Variants in PDE3A observed in about 807,000 individuals in gnomAD.
The protein encoded by PDE3A is cGMP-inhibited 3',5'-cyclic phosphodiesterase 3A.
Under a neutral mutation model 98.3 loss-of-function variants are expected in PDE3A, and 43 were observed. The observed-to-expected ratio is 0.44, with a 90% confidence interval of 0.34 to 0.56. PDE3A has a LOEUF of 0.56. Among genes scored for constraint, PDE3A ranks in the 20% least tolerant of loss-of-function variants. The pLI is 0.01. For missense variants in PDE3A, 1,427 were observed against 1,440.7 expected, an observed-to-expected ratio of 0.99 and a Z score of 0.15; for synonymous variants, 663 against 567.9, an observed-to-expected ratio of 1.17 and a Z score of -2.38.
rs749581595 is a variant in PDE3A, at chr12:20,680,278, A to T, written c.*7A>T. ...CCAAAAGCCAGACCAGTGACAATGG[A>T]TAGAATGGGCTGTGTTTCCAAACAG... On this transcript the variant is annotated 3_prime_UTR_variant, in exon 16 of 16. Coordinates refer to ENST00000359062, the MANE Select transcript of PDE3A (RefSeq NM_000921.5). The T allele has an allele frequency of 8.1e-6, 13 of 1,613,468 alleles. No homozygotes were observed. The East Asian group carries it at 2.0e-4, about 25-fold the overall frequency.
intron 1 of PDE3A, among the ~76,000 whole-genome samples, chr12:20,466,737 A>G (rs916939270): frequency 6.6e-6 from 1 of 152,206 alleles, no homozygotes; most frequent in Non-Finnish European, 1.5e-5. Flanking sequence ...GTATGACTAT[A>G]TAATTGTGGC....
chr12:20,517,900 T>A (rs1946352189), intron 1 of PDE3A, among the ~76,000 whole-genome samples: 2 of 152,146 alleles, frequency 1.3e-5, no homozygotes, highest in African/African-American at 4.8e-5. Context: ...GGATCCTGAA[T>A]GTAGCCCACA....
Position 20,626,789 on chromosome 12 carries a change from C to T in PDE3A, c.1541-3119C>T, listed in dbSNP as rs191673860. Among the ~76,000 whole-genome samples, 27 of 152,262 alleles carry T rather than the reference C, an allele frequency of 1.8e-4. No homozygotes were observed. The East Asian group carries it at 3.9e-3, about 22-fold the overall frequency. ...CTAGGATTACAGGCATGAGCCACCG[C>T]GCCTAGCCGAGTTATGCTTTTAAAA... On this transcript the variant is annotated intron_variant, in intron 5 of 15. Coordinates refer to ENST00000359062, the MANE Select transcript of PDE3A (RefSeq NM_000921.5).
At chr12:20,618,999 C>T (rs562817515) in intron 4 of PDE3A, among the ~76,000 whole-genome samples, 11 of 152,088 alleles carry the variant, frequency 7.2e-5, no homozygotes, top group African/African-American at 2.6e-4. Context: ...ATGAGAAAAC[C>T]GTGTAAAGCC....
intron 5 of PDE3A, among the ~76,000 whole-genome samples, chr12:20,626,027 G>T (rs75167898): frequency 0.013 from 1,937 of 152,192 alleles, 49 homozygotes; most frequent in African/African-American, 0.043. Context: ...ACTCATGGGT[G>T]AGTGTGTAAA....
chr12:20,658,238 T>C (rs1431118284), intron 15 of PDE3A, among the ~76,000 whole-genome samples: 1 of 152,242 alleles, frequency 6.6e-6, no homozygotes, highest in East Asian at 1.9e-4. Context: ...AATGGAAGAA[T>C]TGATATAAGG....
In PDE3A at chr12:20,685,631, G is replaced by T. The variant is rs1183768842; in HGVS notation, c.*5360G>T. Among the ~76,000 whole-genome samples the T allele has an allele frequency of 6.6e-6, 1 of 151,954 alleles. No homozygotes were observed. The highest frequency in any genetic ancestry group is 1.5e-5 in the Non-Finnish European group (1 of 67,984). On this transcript the variant is annotated 3_prime_UTR_variant, in exon 16 of 16. Coordinates refer to ENST00000359062, the MANE Select transcript of PDE3A (RefSeq NM_000921.5). The stretch of plus-strand genomic sequence containing the variant: ...TGACATATGTTTAAGTCTCTAAAAG[G>T]AATCCACATTTTCTTTCCAGATACA...
intron 1 of PDE3A, among the ~76,000 whole-genome samples, chr12:20,500,276 A>G (rs926206953): frequency 6.6e-6 from 1 of 152,194 alleles, no homozygotes; most frequent in Admixed American, 6.5e-5. Flanking sequence ...TAGATATGAT[A>G]AAGTAGAATA....
Position 20,475,287 on chromosome 12 carries a change from G to A in PDE3A, c.961-81373G>A, listed in dbSNP as rs183801973. On this transcript the variant is annotated intron_variant, in intron 1 of 15. Transcript: ENST00000359062. ...ATGTTAAAATCGGTAGCATGTCCAA[G>A]CCTCTGGGCCTACTGCCTTCGGTTA... 2.8e-3 allele frequency among the ~76,000 whole-genome samples: 418 copies of A among 151,712 alleles called. 1 individual carries two copies. Among genetic ancestry groups the A allele is most frequent in the Middle Eastern group, 0.01 (3 of 292 alleles).
chr12:20,616,497 C>G, intron 4 of PDE3A, 113 bp downstream of exon 4: 1 of 953,858 alleles, frequency 1.0e-6, no homozygotes, highest in Non-Finnish European at 1.6e-6. Context: ...TGGAGGTCAG[C>G]TTTGAAGATG....
intron 2 of PDE3A, among the ~76,000 whole-genome samples, chr12:20,558,187 A>C (rs1592055888): frequency 6.7e-6 from 1 of 150,248 alleles, no homozygotes; most frequent in African/African-American, 2.4e-5. Context: ...ATTGGTCACT[A>C]TGTCAATATA....
intron 13 of PDE3A, among the ~76,000 whole-genome samples, chr12:20,649,134 T>C (rs1944857227): frequency 6.6e-6 from 1 of 151,830 alleles, no homozygotes; most frequent in Admixed American, 6.6e-5. Context: ...GGTTTCACCA[T>C]GTTGGCCAGG....
rs1302993259 is a variant in PDE3A at position 20,681,172 on chromosome 12, G to A, written c.*901G>A. 6.6e-6 allele frequency: 1 copy of A among 152,126 alleles called. No homozygotes were observed. The highest frequency in any genetic ancestry group is 1.5e-5 in the Non-Finnish European group (1 of 68,060). 9.4% of individuals were successfully genotyped at this position (152,126 alleles called of 1,614,324 possible). A position where few individuals can be genotyped will look rare whatever the true frequency, so the allele number is the denominator to read the frequency against. The stretch of plus-strand genomic sequence containing the variant: ...ACCACTTGAAGGAGCTCTATCACCA[G>A]CCTCAAACCCGAAAGACTGAGGCAT... On this transcript the variant is annotated 3_prime_UTR_variant, in exon 16 of 16. Coordinates refer to ENST00000359062, the MANE Select transcript of PDE3A (RefSeq NM_000921.5).
chr12:20,655,011 GA>G (rs1309528168), intron 15 of PDE3A, among the ~76,000 whole-genome samples: 1 of 151,546 alleles, frequency 6.6e-6, no homozygotes, highest in African/African-American at 2.4e-5. Context: ...GAGTTGTGGG[GA>G]AAAAAAGACA....
chr12:20,567,045 C>A (rs1351652523), intron 2 of PDE3A, among the ~76,000 whole-genome samples: 24 of 151,800 alleles, frequency 1.6e-4, no homozygotes, highest in Admixed American at 1.6e-3. Context: ...AATCCTAGGA[C>A]AATTTAGTTT....
chr12:20,571,987 A>G (rs1592068800), intron 2 of PDE3A: 1 of 1,077,442 alleles, frequency 9.3e-7, no homozygotes, highest in Non-Finnish European at 1.1e-6. Context: ...CTACTTCACT[A>G]TTTGACTATG....
chr12:20,679,988 C>G (rs1210512144), intron 15 of PDE3A, 42 bp from the exon 16 acceptor site: 1 of 1,481,830 alleles, frequency 6.7e-7, no homozygotes, highest in East Asian at 2.4e-5. Flanking sequence ...CAGCACACAA[C>G]TAAGTAGTCT....
chr12:20,459,095 G>A (rs897625562), intron 1 of PDE3A, among the ~76,000 whole-genome samples: 1 of 152,084 alleles, frequency 6.6e-6, no homozygotes, highest in Middle Eastern at 3.2e-3. Flanking sequence ...TCCCAGTATA[G>A]TGTTTCTTTG....
At position 20,610,531 on chromosome 12, in the gene PDE3A, A is replaced by AGAT. The variant is rs569229122; in HGVS notation, c.1012-2911_1012-2909dup. On this transcript the variant is annotated intron_variant, in intron 2 of 15. Transcript: ENST00000359062. ...AAAATAGAACTATATGATCCAAATA[A>AGAT]GATAAAATCACCACCTCATAAAGAT... 4.1e-3 allele frequency among the ~76,000 whole-genome samples: 631 copies of AGAT among 152,078 alleles called. 1 individual carries two copies. Among genetic ancestry groups the AGAT allele is most frequent in the African/African-American group, 0.014 (597 of 41,562 alleles).
Sources: allele counts gnomAD v4.1 joint callset (sites outside exome capture counted in the v4.1 genomes callset), GRCh38; gene constraint gnomAD v4.1.1; transcripts MANE v1.5; gene names NCBI Gene and HGNC (gene_info 2026-07-23, HGNC 2026-07-21).